Variants in NKAIN3 observed in about 807,000 individuals in gnomAD.
The protein encoded by NKAIN3 is sodium/potassium-transporting ATPase subunit beta-1-interacting protein 3.
NKAIN3 carries 25 observed loss-of-function variants against 30.2 expected under a neutral mutation model. The observed-to-expected ratio is 0.83, with a 90% CI of 0.60 to 1.16. The LOEUF (loss-of-function observed/expected upper bound fraction) is 1.16. Ranked by LOEUF, NKAIN3 falls within the 50% of genes most tolerant of loss-of-function variation. The pLI is 0.00. For synonymous variants in NKAIN3, 91 were observed against 89.6 expected (o/e 1.02, Z -0.09); for missense variants, 225 against 254.1 (o/e 0.89, Z 0.78).
intron 1 of NKAIN3, among the ~76,000 whole-genome samples, chr8:62,369,586 G>T (rs1013403952): frequency 1.3e-5 from 2 of 152,014 alleles, no homozygotes; most frequent in African/African-American, 4.8e-5. Context: ...TTCCCTGAGA[G>T]AATTTATAGG....
intron 3 of NKAIN3, among the ~76,000 whole-genome samples, chr8:62,596,262 T>C (rs1338158353): frequency 6.6e-6 from 1 of 152,066 alleles, no homozygotes; most frequent in Non-Finnish European, 1.5e-5. Flanking sequence ...ACTGGGGCTT[T>C]GTTTCCTGGA....
At chr8:62,756,627 A>T (rs535214815) in intron 4 of NKAIN3, among the ~76,000 whole-genome samples, 1 of 152,298 alleles carries the variant, frequency 6.6e-6, no homozygotes, top group South Asian at 2.1e-4. Flanking sequence ...TGCGTTACAG[A>T]TAGCAACTGA....
At position 62,859,614 on chromosome 8, in the gene NKAIN3, G is replaced by T. The variant is rs894632457; in HGVS notation, c.472-58839G>T. ...AATATATACATATATGCGTGTGTGT[G>T]TGTGCATGCGTGTGTGTGTGCTTAC... On this transcript the variant is annotated intron_variant, in intron 4 of 6. Coordinates refer to ENST00000623646, the MANE Select transcript of NKAIN3 (RefSeq NM_001304533.3). Among the ~76,000 whole-genome samples, 3 of 149,844 alleles carry T rather than the reference G, an allele frequency of 2.0e-5. No individual in the cohort carries two copies. The South Asian group carries it at 6.4e-4, about 32-fold the overall frequency.
At chr8:62,603,576 T>C (rs905804870) in intron 3 of NKAIN3, among the ~76,000 whole-genome samples, 4 of 152,134 alleles carry the variant, frequency 2.6e-5, no homozygotes, top group African/African-American at 9.6e-5. Flanking sequence ...TTCTAAACAG[T>C]TATTTTTGCA....
chr8:62,934,254 G>A (rs1015098014), intron 5 of NKAIN3, among the ~76,000 whole-genome samples: 2 of 151,260 alleles, frequency 1.3e-5, no homozygotes. Flanking sequence ...AGCAGGGTGT[G>A]CTGGTGCTTG....
At chr8:62,271,495 T>C (rs545709009) in intron 1 of NKAIN3, among the ~76,000 whole-genome samples, 21 of 152,282 alleles carry the variant, frequency 1.4e-4, no homozygotes, top group Admixed American at 5.2e-4. Flanking sequence ...AGGGTTAGTA[T>C]GAAATGAAAT....
chr8:62,915,221 T>C (rs939068557), intron 4 of NKAIN3, among the ~76,000 whole-genome samples: 2 of 152,150 alleles, frequency 1.3e-5, no homozygotes, highest in African/African-American at 4.8e-5. Context: ...CTGGAACCTG[T>C]GAATAAATCA....
At chr8:62,898,374 T>A (rs1055165243) in intron 4 of NKAIN3, among the ~76,000 whole-genome samples, 2 of 152,170 alleles carry the variant, frequency 1.3e-5, no homozygotes, top group African/African-American at 4.8e-5. Flanking sequence ...CAGGGAATAC[T>A]ACCCAGCCAC....
chr8:62,992,625 C>T (rs1320120004), intron 5 of NKAIN3, among the ~76,000 whole-genome samples: 1 of 151,960 alleles, frequency 6.6e-6, no homozygotes, highest in African/African-American at 2.4e-5. Flanking sequence ...TTCTCCCCTT[C>T]CCTTGCCCAT....
At chr8:62,447,154 T>C (rs1032562442) in intron 1 of NKAIN3, among the ~76,000 whole-genome samples, 2 of 152,052 alleles carry the variant, frequency 1.3e-5, no homozygotes, top group African/African-American at 4.8e-5. Context: ...AATATTTACC[T>C]AGACAAAATC....
At chr8:62,497,430 C>T (rs1807277390) in intron 1 of NKAIN3, among the ~76,000 whole-genome samples, 1 of 91,278 alleles carries the variant, frequency 1.1e-5, no homozygotes, top group Non-Finnish European at 2.3e-5. Context: ...TAAGTATAAC[C>T]TATTTTTTTT....
chr8:62,287,555 T>A (rs1813419377), intron 1 of NKAIN3, among the ~76,000 whole-genome samples: 1 of 152,150 alleles, frequency 6.6e-6, no homozygotes, highest in African/African-American at 2.4e-5. Context: ...TCTTGAATTC[T>A]TGCATATAAA....
intron 1 of NKAIN3, among the ~76,000 whole-genome samples, chr8:62,429,402 A>G (rs776338801): frequency 2.6e-5 from 4 of 151,934 alleles, no homozygotes; most frequent in African/African-American, 4.8e-5. Context: ...AATGTGATTT[A>G]TTACAGTTCT....
At chr8:62,905,485 A>G (rs574098560) in intron 4 of NKAIN3, among the ~76,000 whole-genome samples, 3 of 152,348 alleles carry the variant, frequency 2.0e-5, no homozygotes, top group Non-Finnish European at 4.4e-5. Context: ...AAGAAAATAA[A>G]GAAACCTCAC....
intron 3 of NKAIN3, among the ~76,000 whole-genome samples, chr8:62,630,150 G>A (rs1019388286): frequency 6.6e-6 from 1 of 152,140 alleles, no homozygotes; most frequent in African/African-American, 2.4e-5. Context: ...TCATAGGTAT[G>A]TGTGTGTAGG....
intron 4 of NKAIN3, among the ~76,000 whole-genome samples, chr8:62,783,245 A>G (rs866208930): frequency 2.6e-5 from 4 of 152,092 alleles, no homozygotes; most frequent in Non-Finnish European, 5.9e-5. Context: ...GGATTAAGTC[A>G]TGAGGGCTTT....
chr8:62,482,291 C>G (rs965093312), intron 1 of NKAIN3: 2 of 152,140 alleles, frequency 1.3e-5, no homozygotes, highest in African/African-American at 4.8e-5. Context: ...TTAAGTGGAG[C>G]TTGAGTCTGC....
At chr8:62,478,636 A>G (rs534399730) in intron 1 of NKAIN3, among the ~76,000 whole-genome samples, 104 of 152,314 alleles carry the variant, frequency 6.8e-4, no homozygotes, top group Middle Eastern at 6.8e-3. Flanking sequence ...CAATATAAAT[A>G]AAGTAATACT....
At chr8:62,914,895 T>C (rs1476900632) in intron 4 of NKAIN3, among the ~76,000 whole-genome samples, 1 of 151,742 alleles carries the variant, frequency 6.6e-6, no homozygotes. Flanking sequence ...CATCAACCTG[T>C]CATTTAGGTT....
Sources: gnomAD v4.1 joint callset for allele counts (sites outside exome capture counted in the v4.1 genomes callset) on GRCh38, gnomAD v4.1.1 for gene constraint, MANE v1.5 for transcripts, NCBI Gene and HGNC (gene_info 2026-07-23, HGNC 2026-07-21) for gene names.